The following CACNA2D3 variants were observed in gnomAD, a reference collection of about 807,000 sequenced individuals.
CACNA2D3 encodes voltage-dependent calcium channel subunit alpha-2/delta-3.
CACNA2D3 carries 60 observed loss-of-function variants against 160.6 expected under a neutral mutation model. The ratio of observed to expected loss-of-function variants is 0.37; its 90% CI spans 0.30 to 0.46. The LOEUF is 0.46. Among genes scored for constraint, CACNA2D3 ranks in the 20% least tolerant of loss-of-function variants. The pLI, the probability that CACNA2D3 is intolerant of heterozygous loss-of-function variation, is 1.00. For missense variants in CACNA2D3, 1,205 were observed against 1,365.0 expected, an observed-to-expected ratio of 0.88 and a Z score of 1.85; for synonymous variants, 558 against 492.9, an observed-to-expected ratio of 1.13 and a Z score of -1.75.
chr3:54,684,150 A>G (rs762611145), intron 11 of CACNA2D3, among the ~76,000 whole-genome samples: 6 of 151,488 alleles, frequency 4.0e-5, no homozygotes, highest in Non-Finnish European at 7.4e-5. Flanking sequence ...TAGTAGAGAG[A>G]TGGTTTCACC....
chr3:54,871,200 C>G (rs796086396), intron 17 of CACNA2D3, among the ~76,000 whole-genome samples: 1,155 of 94,040 alleles, frequency 0.012, 19 homozygotes, highest in African/African-American at 0.051. Flanking sequence ...CACACACACA[C>G]ACACACACAC....
intron 27 of CACNA2D3, among the ~76,000 whole-genome samples, chr3:54,954,547 C>T (rs1559643718): frequency 6.6e-6 from 1 of 152,182 alleles, no homozygotes. Flanking sequence ...TTCGGCTTCC[C>T]TTTGATTCTC....
chr3:54,786,099 A>C (rs548015631), intron 13 of CACNA2D3, among the ~76,000 whole-genome samples: 1 of 152,310 alleles, frequency 6.6e-6, no homozygotes, highest in South Asian at 2.1e-4. Flanking sequence ...TAACTCCTCA[A>C]ATAGAAAGGG....
At chr3:55,072,406 A>G (rs1424050994) in intron 35 of CACNA2D3, among the ~76,000 whole-genome samples, 2 of 152,220 alleles carry the variant, frequency 1.3e-5, no homozygotes, top group East Asian at 1.9e-4. Flanking sequence ...TCCCTTCTTT[A>G]TAACGTCCCA....
chr3:54,946,424 C>A (rs577065195), intron 27 of CACNA2D3, among the ~76,000 whole-genome samples: 1 of 152,218 alleles, frequency 6.6e-6, no homozygotes, highest in South Asian at 2.1e-4. Context: ...GTCCCCAGCA[C>A]AGAGATCCTC....
intron 11 of CACNA2D3, among the ~76,000 whole-genome samples, chr3:54,733,717 A>G (rs1283361479): frequency 6.6e-6 from 1 of 152,228 alleles, no homozygotes. Flanking sequence ...AAAATGATAA[A>G]GGGAAGTTAA....
At chr3:54,852,557 C>T (rs1420857762) in intron 17 of CACNA2D3, among the ~76,000 whole-genome samples, 7 of 152,208 alleles carry the variant, frequency 4.6e-5, no homozygotes, top group Non-Finnish European at 1.0e-4. Flanking sequence ...CAGGATGGCA[C>T]TCGCCTTTCC....
chr3:54,557,324 T>C (rs1040983157), intron 5 of CACNA2D3, among the ~76,000 whole-genome samples: 2 of 152,144 alleles, frequency 1.3e-5, no homozygotes, highest in Non-Finnish European at 2.9e-5. Flanking sequence ...AGATATGGTG[T>C]CCAAATGAAG....
intron 17 of CACNA2D3, among the ~76,000 whole-genome samples, chr3:54,868,646 A>T: frequency 6.6e-6 from 1 of 152,088 alleles, no homozygotes; most frequent in East Asian, 1.9e-4. Context: ...TTCGGCCAGG[A>T]GAGTCTTCAG....
At chr3:54,714,027 T>G (rs929248305) in intron 11 of CACNA2D3, among the ~76,000 whole-genome samples, 1 of 152,170 alleles carries the variant, frequency 6.6e-6, no homozygotes, top group African/African-American at 2.4e-5. Flanking sequence ...TTGTGACAAG[T>G]GAGCAGAGGG....
chr3:54,885,134 A>G lies in CACNA2D3; in HGVS notation c.1913-147A>G. 7.0e-6 allele frequency: 5 copies of G among 718,010 alleles called. No homozygotes were observed. In the South Asian group the frequency reaches 9.2e-5, roughly 13 times the overall value. The allele number at this position is 718,010 out of a possible 1,614,324, so 44.5% of individuals were successfully genotyped here. ...AAGGGAACTCGTTTATTTTCCTCAG[A>G]AAATAAACCTGCTGCTCCAAGGCAG... On this transcript the variant is annotated intron_variant, in intron 21 of 37. Transcript: ENST00000474759.
intron 35 of CACNA2D3, among the ~76,000 whole-genome samples, chr3:55,026,441 G>A (rs886113533): frequency 1.6e-4 from 24 of 152,192 alleles, no homozygotes; most frequent in Non-Finnish European, 8.8e-5. Flanking sequence ...CCTTCATGGA[G>A]TTTGCAGATG....
intron 27 of CACNA2D3, chr3:54,918,535 T>G: frequency 6.2e-7 from 1 of 1,614,050 alleles, no homozygotes; most frequent in Non-Finnish European, 8.5e-7. Context: ...GGGTCCCCCA[T>G]GGTACTGGGC....
intron 13 of CACNA2D3, among the ~76,000 whole-genome samples, chr3:54,790,354 G>A (rs1330724025): frequency 6.6e-6 from 1 of 152,168 alleles, no homozygotes; most frequent in African/African-American, 2.4e-5. Context: ...TGCTGCTATT[G>A]CAAAGCAACA....
At chr3:54,129,234 G>T (rs915303085) in intron 2 of CACNA2D3, among the ~76,000 whole-genome samples, 12 of 152,184 alleles carry the variant, frequency 7.9e-5, no homozygotes, top group African/African-American at 2.9e-4. Context: ...GGCAGATTAG[G>T]TATTTGTATA....
At chr3:54,982,359 A>G (rs1702525938) in intron 29 of CACNA2D3, among the ~76,000 whole-genome samples, 1 of 151,938 alleles carries the variant, frequency 6.6e-6, no homozygotes, top group Admixed American at 6.6e-5. Context: ...CCTTTAGCCC[A>G]CTCTGCCTTA....
At chr3:54,976,868 T>C (rs1702401958) in intron 29 of CACNA2D3, among the ~76,000 whole-genome samples, 1 of 152,192 alleles carries the variant, frequency 6.6e-6, no homozygotes, top group Admixed American at 6.5e-5. Context: ...ATCTCCCTTC[T>C]ACTGGTGCTG....
chr3:54,181,628 CA>C (rs1319929363), intron 2 of CACNA2D3, among the ~76,000 whole-genome samples: 1 of 152,088 alleles, frequency 6.6e-6, no homozygotes, highest in Non-Finnish European at 1.5e-5. Flanking sequence ...TCACAGCTGA[CA>C]GGGGCAGAGT....
At chr3:54,461,212 A>G (rs912302259) in intron 4 of CACNA2D3, among the ~76,000 whole-genome samples, 2 of 152,062 alleles carry the variant, frequency 1.3e-5, no homozygotes, top group Admixed American at 6.5e-5. Flanking sequence ...ATCAATGTTC[A>G]TCAAGGATAT....
Sources: gnomAD v4.1 joint callset for allele counts (sites outside exome capture counted in the v4.1 genomes callset) on GRCh38, gnomAD v4.1.1 for gene constraint, MANE v1.5 for transcripts, NCBI Gene and HGNC (gene_info 2026-07-23, HGNC 2026-07-21) for gene names.